The following LUZP2 variants were observed in gnomAD, a reference collection of about 807,000 sequenced individuals.
The protein encoded by LUZP2 is leucine zipper protein 2.
A neutral mutation model predicts 51.6 loss-of-function variants in LUZP2; 52 were observed. The ratio of observed to expected loss-of-function variants is 1.01; its 90% CI spans 0.81 to 1.27. LUZP2 has a LOEUF of 1.27. LUZP2 is among the 50% of genes most tolerant of loss of function. LUZP2 has a pLI of 0.00. For synonymous variants in LUZP2, 154 were observed against 137.3 expected, an observed-to-expected ratio of 1.12 and a Z score of -0.85; for missense variants, 436 against 395.4, an observed-to-expected ratio of 1.10 and a Z score of -0.87.
intron 5 of LUZP2, among the ~76,000 whole-genome samples, chr11:24,770,734 C>G (rs1202094966): frequency 6.6e-6 from 1 of 152,130 alleles, no homozygotes; most frequent in Non-Finnish European, 1.5e-5. Flanking sequence ...AGTTACTATT[C>G]TTGGTTATGG....
At position 25,012,249 on chromosome 11, in the gene LUZP2, G is replaced by A. The variant is rs550873245; in HGVS notation, c.765+28956G>A. Among the ~76,000 whole-genome samples, 5 of 152,212 alleles carry A rather than the reference G, an allele frequency of 3.3e-5. No individual in the cohort carries two copies. The East Asian group carries it at 9.7e-4, about 29-fold the overall frequency. ...CTCTACATCTTTATGAGTCTCTGAC[G>A]TGAATAACCAGGTAGTATAAATAAT... On this transcript the variant is annotated intron_variant, in intron 9 of 11. Transcript: ENST00000336930.
chr11:24,906,369 T>C (rs1853452978), intron 6 of LUZP2, among the ~76,000 whole-genome samples: 1 of 150,488 alleles, frequency 6.6e-6, no homozygotes, highest in Non-Finnish European at 1.5e-5. Flanking sequence ...AAAATTTCCT[T>C]TTTTTTTTCC....
At chr11:25,039,200 G>A (rs550068547) in intron 9 of LUZP2, among the ~76,000 whole-genome samples, 1 of 152,260 alleles carries the variant, frequency 6.6e-6, no homozygotes, top group African/African-American at 2.4e-5. Flanking sequence ...ACCTGAACTA[G>A]TGGCCACAGC....
intron 5 of LUZP2, among the ~76,000 whole-genome samples, chr11:24,819,816 T>A (rs917486464): frequency 1.3e-5 from 2 of 152,144 alleles, no homozygotes; most frequent in Non-Finnish European, 2.9e-5. Context: ...GTTTTACAGT[T>A]GTGTACATTT....
chr11:24,927,979 AT>A (rs1854330045), intron 7 of LUZP2, among the ~76,000 whole-genome samples: 1 of 151,430 alleles, frequency 6.6e-6, no homozygotes, highest in African/African-American at 2.4e-5. Context: ...ATTCCTATGT[AT>A]TTTATTTTTC....
At chr11:25,047,952 A>G (rs1858368872) in intron 9 of LUZP2, among the ~76,000 whole-genome samples, 2 of 144,006 alleles carry the variant, frequency 1.4e-5, no homozygotes, top group Non-Finnish European at 3.0e-5. Context: ...CTCATTAGCT[A>G]GGATTATAGG....
chr11:24,760,490 T>TCCATGG, intron 4 of LUZP2, among the ~76,000 whole-genome samples: 1 of 152,254 alleles, frequency 6.6e-6, no homozygotes, highest in East Asian at 1.9e-4. Flanking sequence ...TTACTGTCAA[T>TCCATGG]ATTTTCAAAA....
chr11:25,035,496 T>C (rs1307992549), intron 9 of LUZP2, among the ~76,000 whole-genome samples: 1 of 151,980 alleles, frequency 6.6e-6, no homozygotes, highest in Non-Finnish European at 1.5e-5. Flanking sequence ...GAAGTATCTC[T>C]ACAAGAAGAA....
chr11:24,713,690 T>TG (rs1297741263), intron 1 of LUZP2, among the ~76,000 whole-genome samples: 10 of 142,264 alleles, frequency 7.0e-5, no homozygotes, highest in Non-Finnish European at 1.1e-4. Flanking sequence ...TCTGTTTTTT[T>TG]TTTTTTTTTT....
At chr11:24,936,373 G>A (rs1404676095) in intron 7 of LUZP2, among the ~76,000 whole-genome samples, 2 of 152,104 alleles carry the variant, frequency 1.3e-5, no homozygotes, top group African/African-American at 4.8e-5. Flanking sequence ...TGAGGAATAA[G>A]TCAGATTAAT....
chr11:24,749,713 G>A (rs1181047445), intron 4 of LUZP2, among the ~76,000 whole-genome samples: 7 of 152,148 alleles, frequency 4.6e-5, no homozygotes, highest in Admixed American at 3.9e-4. Context: ...ACCTCCTCCT[G>A]GGCTGGATGC....
chr11:24,817,044 C>T (rs751393376), intron 5 of LUZP2, among the ~76,000 whole-genome samples: 1 of 151,854 alleles, frequency 6.6e-6, no homozygotes, highest in African/African-American at 2.4e-5. Flanking sequence ...ACAGTAAATG[C>T]AGTGGTTTTG....
intron 9 of LUZP2, among the ~76,000 whole-genome samples, chr11:25,048,367 A>G (rs1858385841): frequency 6.6e-6 from 1 of 152,146 alleles, no homozygotes; most frequent in East Asian, 1.9e-4. Context: ...ATTACCCCAA[A>G]TGGAATTGAC....
chr11:24,889,740 T>C (rs1427335656), intron 5 of LUZP2, among the ~76,000 whole-genome samples: 1 of 152,212 alleles, frequency 6.6e-6, no homozygotes, highest in Non-Finnish European at 1.5e-5. Context: ...TGAAATGTTC[T>C]GATTTTTAAA....
intron 1 of LUZP2, among the ~76,000 whole-genome samples, chr11:24,543,009 TTAAAA>T (rs141977554): frequency 0.026 from 3,881 of 151,830 alleles, 133 homozygotes; most frequent in African/African-American, 0.073. Context: ...TACAAGTAAA[TTAAAA>T]TAAATAAAAG....
chr11:24,652,832 G>A (rs1260525134), intron 1 of LUZP2, among the ~76,000 whole-genome samples: 2 of 152,168 alleles, frequency 1.3e-5, no homozygotes, highest in East Asian at 3.9e-4. Context: ...CACATTATTT[G>A]ATAGGTAGCA....
chr11:25,030,670 A>G (rs1415261890), intron 9 of LUZP2, among the ~76,000 whole-genome samples: 4 of 151,324 alleles, frequency 2.6e-5, no homozygotes, highest in Non-Finnish European at 4.4e-5. Context: ...TTAATTACAT[A>G]AGAGATAAAA....
At position 25,078,983 on chromosome 11, in the gene LUZP2, G is replaced by A. The variant is rs1158840644; in HGVS notation, c.*325G>A. 1 of 191,442 alleles carries A rather than the reference G, an allele frequency of 5.2e-6. No homozygotes were observed. Among genetic ancestry groups the A allele is most frequent in the Non-Finnish European group, 1.1e-5 (1 of 94,984 alleles). 11.9% of individuals were successfully genotyped at this position (191,442 alleles called of 1,614,324 possible). On this transcript the variant is annotated 3_prime_UTR_variant, in exon 12 of 12. Transcript: ENST00000336930. The stretch of plus-strand genomic sequence containing the variant: ...GGATATCTAGTACTTCTATGATATA[G>A]TTGTCAAAATCAACTGGAGGATAAT...
chr11:24,500,741 G>A (rs375332272), intron 1 of LUZP2, among the ~76,000 whole-genome samples: 55 of 152,224 alleles, frequency 3.6e-4, no homozygotes, highest in Admixed American at 8.5e-4. Flanking sequence ...GACTTCTGGT[G>A]GTTTTCCATG....
Sources: gnomAD v4.1 joint callset for allele counts (sites outside exome capture counted in the v4.1 genomes callset) on GRCh38, gnomAD v4.1.1 for gene constraint, MANE v1.5 for transcripts, NCBI Gene and HGNC (gene_info 2026-07-23, HGNC 2026-07-21) for gene names.